The following POLR3B variants were observed in gnomAD, a reference collection of about 807,000 sequenced individuals.
POLR3B encodes DNA-directed RNA polymerase III subunit RPC2.
A neutral mutation model predicts 147.4 loss-of-function variants in POLR3B; 96 were observed. That is an observed-to-expected ratio of 0.65 (90% CI 0.55 to 0.77). The LOEUF is 0.77. POLR3B is among the 30% of genes least tolerant of loss of function. The probability of loss-of-function intolerance (pLI) is 0.00; values close to 1 mark genes in which losing one functional copy is unlikely to be tolerated. For missense variants in POLR3B, 1,036 were observed against 1,413.5 expected (o/e 0.73, Z 4.28); for synonymous variants, 461 against 485.9 (o/e 0.95, Z 0.67).
chr12:106,390,302 G>T (rs2036897964), intron 9 of POLR3B, among the ~76,000 whole-genome samples: 1 of 149,266 alleles, frequency 6.7e-6, no homozygotes, highest in Non-Finnish European at 1.5e-5. Context: ...ATATTTTGGA[G>T]CATTTTGGAT....
At chr12:106,381,410 T>G (rs749719027) in intron 9 of POLR3B, among the ~76,000 whole-genome samples, 1 of 152,236 alleles carries the variant, frequency 6.6e-6, no homozygotes, top group Admixed American at 6.5e-5. Context: ...TACATAATAT[T>G]CTACATCCTT....
intron 19 of POLR3B, among the ~76,000 whole-genome samples, chr12:106,445,349 G>A (rs1453490443): frequency 3.3e-5 from 5 of 152,148 alleles, no homozygotes; most frequent in South Asian, 2.1e-4. Flanking sequence ...GAAAATTAGA[G>A]GAGGAAGATC....
At chr12:106,444,781 T>C (rs1188323332) in intron 19 of POLR3B, among the ~76,000 whole-genome samples, 191 bp downstream of exon 19, 1 of 152,078 alleles carries the variant, frequency 6.6e-6, no homozygotes, top group Non-Finnish European at 1.5e-5. Flanking sequence ...GTCTAAATCT[T>C]AAACAAAAAA....
rs74396963 is a variant in POLR3B at position 106,369,753 on chromosome 12, C to A, written c.404+70C>A. 1,723 of 1,002,008 alleles carry A rather than the reference C, an allele frequency of 1.7e-3. 24 individuals carry two copies. In the African/African-American group the frequency reaches 0.024, roughly 14 times the overall value. The allele number at this position is 1,002,008 out of a possible 1,614,324, so 62.1% of individuals were successfully genotyped here. On this transcript the variant is annotated intron_variant, in intron 6 of 27. Coordinates refer to ENST00000228347, the MANE Select transcript of POLR3B (RefSeq NM_018082.6). ...GCCCCATGATGTGATCCCATTTCCT[C>A]ATCTGAAAAATGCAGGAAATGCTGC...
chr12:106,429,423 G>A (rs1311896510), intron 13 of POLR3B, among the ~76,000 whole-genome samples: 1 of 152,172 alleles, frequency 6.6e-6, no homozygotes, highest in African/African-American at 2.4e-5. Flanking sequence ...ATAGGCGTGA[G>A]CCAACACACC....
chr12:106,465,078 T>C (rs10778478), intron 23 of POLR3B, among the ~76,000 whole-genome samples: 59,545 of 152,110 alleles, frequency 0.39, 13,788 homozygotes, highest in African/African-American at 0.65. Context: ...GAGTTTCTAA[T>C]GTTTTATATG....
At chr12:106,425,158 T>A (rs988512491) in intron 12 of POLR3B, among the ~76,000 whole-genome samples, 81 of 152,112 alleles carry the variant, frequency 5.3e-4, no homozygotes, top group African/African-American at 1.8e-3. Flanking sequence ...TGAATAGGAG[T>A]GTTGAGCATG....
At position 106,504,182 on chromosome 12, in the gene POLR3B, G is replaced by T; in HGVS notation, c.3200G>T (p.Arg1067Ile). 6.2e-7 allele frequency: 1 copy of T among 1,614,178 alleles called. No homozygotes were observed. The highest frequency in any genetic ancestry group is 8.5e-7 in the Non-Finnish European group (1 of 1,179,994). ...GYGASMLLLERLMISSDAFEV... is the reference protein window; with the variant it reads ...GYGASMLLLEILMISSDAFEV... ...GGAGCCAGTATGCTTTTGCTAGAGA[G>T]ACTAATGATTTCAAGTGATGCCTTT... The change falls in exon 27 of 28, where the codon AGA (arginine) becomes ATA (isoleucine). Residue 1067 changes from arginine to isoleucine, a missense_variant. By Grantham distance (97) the Arg-to-Ile change is moderately conservative. Coordinates refer to ENST00000228347, the MANE Select transcript of POLR3B (RefSeq NM_018082.6). The surrounding 1 kb of genome is among the most constrained non-coding windows in gnomAD (Gnocchi z 4.6).
At position 106,394,850 on chromosome 12, in the gene POLR3B, G is replaced by A. The variant is rs1313476286; in HGVS notation, c.846+1697G>A. 4.6e-5 allele frequency among the ~76,000 whole-genome samples: 7 copies of A among 152,148 alleles called. No individual in the cohort carries two copies. In the East Asian group the frequency reaches 1.3e-3, roughly 29 times the overall value. ...CTCGTACTCTGTGTGCAGGATTAAG[G>A]CACATATTAGCTATTGAAACTAATA... On this transcript the variant is annotated intron_variant, in intron 10 of 27. Coordinates refer to ENST00000228347, the MANE Select transcript of POLR3B (RefSeq NM_018082.6).
At chr12:106,407,744 G>T (rs1189046438) in intron 11 of POLR3B, among the ~76,000 whole-genome samples, 1 of 151,964 alleles carries the variant, frequency 6.6e-6, no homozygotes, top group Non-Finnish European at 1.5e-5. Context: ...CAGGAGAATC[G>T]CTTGAAACTG....
intron 23 of POLR3B, among the ~76,000 whole-genome samples, chr12:106,480,980 G>T: frequency 6.6e-6 from 1 of 152,174 alleles, no homozygotes; most frequent in Non-Finnish European, 1.5e-5. Flanking sequence ...ATGTTGAAAA[G>T]ATGGCATTGA....
At chr12:106,388,483 A>G (rs543505910) in intron 9 of POLR3B, among the ~76,000 whole-genome samples, 1 of 152,160 alleles carries the variant, frequency 6.6e-6, no homozygotes, top group South Asian at 2.1e-4. Context: ...ACGCCCAGCT[A>G]ATTTTTGTAT....
chr12:106,412,136 T>C (rs1324053461), intron 12 of POLR3B, among the ~76,000 whole-genome samples: 5 of 152,332 alleles, frequency 3.3e-5, no homozygotes, highest in Admixed American at 6.5e-5. Context: ...TAATTTTGGA[T>C]TGCAACCTGA....
intron 9 of POLR3B, among the ~76,000 whole-genome samples, chr12:106,380,475 C>G (rs1029282020): frequency 1.3e-5 from 2 of 150,138 alleles, no homozygotes; most frequent in Non-Finnish European, 3.0e-5. Flanking sequence ...TCCAGCCACT[C>G]AGGAGGCTGA....
chr12:106,397,261 G>A (rs1434166321), intron 10 of POLR3B, among the ~76,000 whole-genome samples: 1 of 151,950 alleles, frequency 6.6e-6, no homozygotes, highest in Non-Finnish European at 1.5e-5. Context: ...ATGTATCCAA[G>A]GCCTACCTTC....
chr12:106,503,682 G>C (rs1226874514), intron 26 of POLR3B, among the ~76,000 whole-genome samples: 3 of 152,140 alleles, frequency 2.0e-5, no homozygotes, highest in Non-Finnish European at 4.4e-5. Context: ...TTAAATAATA[G>C]AATACTGAGA....
intron 22 of POLR3B, among the ~76,000 whole-genome samples, chr12:106,460,904 G>C (rs946194982): frequency 6.6e-6 from 1 of 151,992 alleles, no homozygotes; most frequent in Non-Finnish European, 1.5e-5. Flanking sequence ...CTTTCTAGCT[G>C]CCACTGTATT....
Position 106,410,873 on chromosome 12 carries a change from G to A in POLR3B, c.1014G>A (p.Met338Ile). The stretch of plus-strand genomic sequence containing the variant: ...CCAAATGTATCTATACTGCAGTGAT[G>A]GTGCGAAGAGTTATTCTGGCCCAAG... ...FRAKCIYTAVMVRRVILAQGD... is the reference protein window; with the variant it reads ...FRAKCIYTAVIVRRVILAQGD... The change falls in exon 12 of 28, where the codon ATG becomes ATA. Residue 338 changes from methionine to isoleucine, a missense_variant. Physicochemically the swap from Met to Ile is conservative, Grantham distance 10. Around this residue, in one of 12 missense-constraint regions of POLR3B, gnomAD observed 217 missense variants for 288.7 expected, o/e 0.75. Coordinates refer to ENST00000228347, the MANE Select transcript of POLR3B (RefSeq NM_018082.6). 6.2e-7 allele frequency: 1 copy of A among 1,613,654 alleles called. No individual in the cohort carries two copies. The highest frequency in any genetic ancestry group is 8.5e-7 in the Non-Finnish European group (1 of 1,179,620).
chr12:106,385,136 A>T (rs2036818421), intron 9 of POLR3B, among the ~76,000 whole-genome samples: 2 of 152,122 alleles, frequency 1.3e-5, no homozygotes, highest in South Asian at 2.1e-4. Context: ...ATATCTTTTA[A>T]AAGAAACACA....
Sources: gnomAD v4.1 joint callset for allele counts (sites outside exome capture counted in the v4.1 genomes callset) on GRCh38, gnomAD v4.1.1 for gene constraint, gnomAD v4.1.1 regional missense constraint, Gnocchi (gnomAD v3.1) non-coding constraint, MANE v1.5 for transcripts, NCBI Gene and HGNC (gene_info 2026-07-23, HGNC 2026-07-21) for gene names.